HOXB4: variants seen among roughly 807,000 people sequenced by gnomAD.
HOXB4 encodes homeobox protein Hox-B4.
Under a neutral mutation model 20.0 loss-of-function variants are expected in HOXB4, and 13 were observed. The observed-to-expected ratio is 0.65, with a 90% CI of 0.42 to 1.03. The LOEUF (loss-of-function observed/expected upper bound fraction) is 1.03. HOXB4 is among the 50% of genes least tolerant of loss of function. HOXB4 has a pLI of 0.00. For synonymous variants in HOXB4, 173 were observed against 148.9 expected (o/e 1.16, Z -1.18); for missense variants, 343 against 357.1 (o/e 0.96, Z 0.32).
chr17:48,577,995 G>A lies in HOXB4; in HGVS notation c.325C>T (p.Arg109Cys). Reference sequence around the variant, plus strand: ...GGGCTGCTGCTGACCGCCTCGCAGCGCTGGCCGGGCTCCGGGAGGAGGGCC... The same window carrying A: ...GGGCTGCTGCTGACCGCCTCGCAGCACTGGCCGGGCTCCGGGAGGAGGGCC... The part of the protein sequence containing the change: ...AGALLPEPGQ[R>C]CEAVSSSPPP... The change falls in exon 1 of 2, where the codon CGC (arginine) becomes TGC (cysteine). Residue 109 changes from arginine (R) to cysteine (C), a missense_variant. Around this residue, in one of 3 missense-constraint regions of HOXB4, gnomAD observed 241 missense variants for 222.0 expected, o/e 1.09. Transcript: ENST00000332503. The A allele has an allele frequency of 7.7e-7, 1 of 1,299,990 alleles. No individual in the cohort carries two copies. Among genetic ancestry groups the A allele is most frequent in the Non-Finnish European group, 9.8e-7 (1 of 1,021,358 alleles). The allele number at this position is 1,299,990 out of a possible 1,614,324, so 80.5% of individuals were successfully genotyped here.
At chr17:48,577,824 T>C in intron 1 of HOXB4, 39 bp downstream of exon 1, 1 of 1,376,954 alleles carries the variant, frequency 7.3e-7, no homozygotes. Flanking sequence ...GGTGTAAAGC[T>C]CCAGGGGTGG....
chr17:48,576,609 G>T lies in HOXB4; in HGVS notation c.*113C>A. 1 of 908,994 alleles carries T rather than the reference G, an allele frequency of 1.1e-6. No homozygotes were observed. Among genetic ancestry groups the T allele is most frequent in the African/African-American group, 1.7e-5 (1 of 59,728 alleles). The allele number at this position is 908,994 out of a possible 1,614,324, so 56.3% of individuals were successfully genotyped here. A position where few individuals can be genotyped will look rare whatever the true frequency, so the allele number is the denominator to read the frequency against. On this transcript the variant is annotated 3_prime_UTR_variant, in exon 2 of 2. Coordinates refer to ENST00000332503, the MANE Select transcript of HOXB4 (RefSeq NM_024015.5). ...CGTATATAAAGTGTGGGGGAGGGCA[G>T]ATAGATTTTTCCGGGGCCCAGGCCC...
Position 48,578,054 on chromosome 17 carries a change from A to G in HOXB4, c.266T>C (p.Leu89Pro), listed in dbSNP as rs2144891453. 1 of 844,586 alleles carries G rather than the reference A, an allele frequency of 1.2e-6. No individual in the cohort carries two copies. Among genetic ancestry groups the G allele is most frequent in the Non-Finnish European group, 1.5e-6 (1 of 689,578 alleles). The allele number at this position is 844,586 out of a possible 1,614,324, so 52.3% of individuals were successfully genotyped here. A position where few individuals can be genotyped will look rare whatever the true frequency, so the allele number is the denominator to read the frequency against. Residue 89 changes from leucine (L) to proline (P), a missense_variant, in exon 1 of 2, where the codon CTG (leucine) becomes CCG (proline). Leu to Pro is a moderately conservative substitution (Grantham distance 98). Around this residue, in one of 3 missense-constraint regions of HOXB4, gnomAD observed 241 missense variants for 222.0 expected, o/e 1.09. Coordinates refer to ENST00000332503, the MANE Select transcript of HOXB4 (RefSeq NM_024015.5). The part of the protein sequence containing the change: ...PPPPPPPPPG[L>P]SPRAPAPPPA... ...TGGCGGCGCAGGAGCCCGAGGGGACAGACCGGGCGGTGGCGGGGGCGGCGG... is the reference window on the plus strand; with the variant it reads ...TGGCGGCGCAGGAGCCCGAGGGGACGGACCGGGCGGTGGCGGGGGCGGCGG...
In HOXB4 at chr17:48,576,743, A is replaced by G; in HGVS notation, c.735T>C (p.Asn245=). 7.2e-7 allele frequency: 1 copy of G among 1,397,098 alleles called. No individual in the cohort carries two copies. Among genetic ancestry groups the G allele is most frequent in the South Asian group, 1.1e-5 (1 of 88,238 alleles). The allele number at this position is 1,397,098 out of a possible 1,614,324, so 86.5% of individuals were successfully genotyped here. A position where few individuals can be genotyped will look rare whatever the true frequency, so the allele number is the denominator to read the frequency against. Residue 245 remains asparagine, a synonymous_variant, in exon 2 of 2, where the codon AAT becomes AAC. Transcript: ENST00000332503. ...GGCACTAGAGCGCGCGGGGGCCTCC[A>G]TTGGGCCGGCCAGGGGGCCCTCCGG... ...GSAGGPPGRP[N]GGPRAL
rs2069777707 is a variant in HOXB4 at position 48,576,752 on chromosome 17, G to A, written c.726C>T (p.Gly242=). The change falls in exon 2 of 2, where the codon GGC becomes GGT. Residue 242 remains glycine (G), a synonymous_variant. Coordinates refer to ENST00000332503, the MANE Select transcript of HOXB4 (RefSeq NM_024015.5). ...GAAGSAGGPP[G]RPNGGPRAL ...GCGCGCGGGGGCCTCCATTGGGCCG[G>A]CCAGGGGGCCCTCCGGCTGAGCCTG... 3 of 1,613,102 alleles carry A rather than the reference G, an allele frequency of 1.9e-6. No individual in the cohort carries two copies. The highest frequency in any genetic ancestry group is 2.5e-6 in the Non-Finnish European group (3 of 1,179,578).
chr17:48,578,026 G>C lies in HOXB4; in HGVS notation c.294C>G (p.Pro98=), dbSNP rs757849546. ...CGGGCTCCGGGAGGAGGGCCCCGGC[G>C]GGTGGCGGCGCAGGAGCCCGAGGGG... ...GLSPRAPAPP[P]AGALLPEPGQ... is the part of the protein sequence containing the mutation. The change falls in exon 1 of 2, where the codon CCC becomes CCG. Residue 98 remains proline (P), a synonymous_variant. Coordinates refer to ENST00000332503, the MANE Select transcript of HOXB4 (RefSeq NM_024015.5). 1.6e-6 allele frequency: 2 copies of C among 1,253,800 alleles called. No individual in the cohort carries two copies. The highest frequency in any genetic ancestry group is 2.0e-6 in the Non-Finnish European group (2 of 996,554). The allele number at this position is 1,253,800 out of a possible 1,614,324, so 77.7% of individuals were successfully genotyped here. A position where few individuals can be genotyped will look rare whatever the true frequency, so the allele number is the denominator to read the frequency against.
chr17:48,577,481 AAAAT>A (rs2069805060), intron 1 of HOXB4, among the ~76,000 whole-genome samples: 3 of 152,290 alleles, frequency 2.0e-5, no homozygotes, highest in Middle Eastern at 3.4e-3. Flanking sequence ...AAGAAAGGAA[AAAAT>A]AAATACTGGG....
rs10599517 is a variant in HOXB4 at position 48,575,718 on chromosome 17, CATA to C, written c.*1001_*1003del. 0.16 allele frequency: 24,433 copies of C among 152,360 alleles called. 2,959 individuals are homozygous for C. The highest frequency in any genetic ancestry group is 0.34 in the African/African-American group (13,857 of 41,316). The allele number at this position is 152,360 out of a possible 1,614,324, so 9.4% of individuals were successfully genotyped here. ...TCAATAATAATAATAAACGATGCAA[CATA>C]ATAAACTATGGGAGAGGGCTCTGCA... On this transcript the variant is annotated 3_prime_UTR_variant, in exon 2 of 2. Coordinates refer to ENST00000332503, the MANE Select transcript of HOXB4 (RefSeq NM_024015.5).
At position 48,576,147 on chromosome 17, in the gene HOXB4, T is replaced by C. The variant is rs2069751075; in HGVS notation, c.*575A>G. The C allele has an allele frequency of 6.5e-6, 1 of 152,910 alleles. No individual in the cohort carries two copies. The highest frequency in any genetic ancestry group is 1.5e-5 in the Non-Finnish European group (1 of 68,270). 9.5% of individuals were successfully genotyped at this position (152,910 alleles called of 1,614,324 possible). On this transcript the variant is annotated 3_prime_UTR_variant, in exon 2 of 2. Coordinates refer to ENST00000332503, the MANE Select transcript of HOXB4 (RefSeq NM_024015.5). The stretch of plus-strand genomic sequence containing the variant: ...ACCGTGACCAAAACACTGCACTATC[T>C]GGCAGTCAGAGGGTGCTTTCGCTGG...
In HOXB4 at chr17:48,577,892, G is replaced by T; in HGVS notation, c.428C>A (p.Pro143His). The change falls in exon 1 of 2, where the codon CCC becomes CAC. Residue 143 changes from proline (P) to histidine (H), a missense_variant. This residue lies in a region of HOXB4 where 241 missense variants were observed against 222.0 expected (regional missense o/e 1.09). Coordinates refer to ENST00000332503, the MANE Select transcript of HOXB4 (RefSeq NM_024015.5). ...HSACKEPVVY[P>H]WMRKVHVSTV... ...GCTCACGTGAACTTTGCGCATCCAG[G>T]GGTAGACGACGGGCTCTTTGCACGC... The T allele has an allele frequency of 7.2e-7, 1 of 1,386,730 alleles. No individual in the cohort carries two copies. 85.9% of individuals were successfully genotyped at this position (1,386,730 alleles called of 1,614,324 possible).
intron 1 of HOXB4, 54 bp downstream of exon 1, chr17:48,577,809 C>T: frequency 7.4e-7 from 1 of 1,355,424 alleles, no homozygotes; most frequent in South Asian, 2.1e-5. Flanking sequence ...CTCCGAAGTC[C>T]CTTTGGTGTA....
At position 48,576,281 on chromosome 17, in the gene HOXB4, G is replaced by GTAA. The variant is rs376184540; in HGVS notation, c.*438_*440dup. ...GCCTCATTTGTTAGCGGGTGTCGAG[G>GTAA]TAATGGTCGCCACCGAGGCCCGTCT... On this transcript the variant is annotated 3_prime_UTR_variant, in exon 2 of 2. Coordinates refer to ENST00000332503, the MANE Select transcript of HOXB4 (RefSeq NM_024015.5). The GTAA allele has an allele frequency of 4.0e-3, 625 of 154,876 alleles. 4 individuals are homozygous for GTAA. The highest frequency in any genetic ancestry group is 0.014 in the African/African-American group (591 of 41,664). The allele number at this position is 154,876 out of a possible 1,614,324, so 9.6% of individuals were successfully genotyped here. A position where few individuals can be genotyped will look rare whatever the true frequency, so the allele number is the denominator to read the frequency against.
Position 48,576,662 on chromosome 17 carries a change from AT to A in HOXB4, c.*59del. On this transcript the variant is annotated 3_prime_UTR_variant, in exon 2 of 2. Transcript: ENST00000332503. The stretch of plus-strand genomic sequence containing the variant: ...GGGCCCCCTCCTGTCCCCCCACCCC[AT>A]CCCCTGCACTCACTGCCCACCCCCA... The A allele has an allele frequency of 2.5e-4, 31 of 124,634 alleles. No individual in the cohort carries two copies. The highest frequency in any genetic ancestry group is 5.6e-4 in the East Asian group (4 of 7,134). 7.7% of individuals were successfully genotyped at this position (124,634 alleles called of 1,614,324 possible). A position where few individuals can be genotyped will look rare whatever the true frequency, so the allele number is the denominator to read the frequency against.
At chr17:48,577,714 A>G (rs2069811080) in intron 1 of HOXB4, 149 bp downstream of exon 1, 4 of 688,014 alleles carry the variant, frequency 5.8e-6, no homozygotes, top group Non-Finnish European at 8.2e-6. Context: ...TGGCTCTGAA[A>G]ACAGGCGACC....
Position 48,576,652 on chromosome 17 carries a change from C to G in HOXB4, c.*70G>C. On this transcript the variant is annotated 3_prime_UTR_variant, in exon 2 of 2. Transcript: ENST00000332503. The stretch of plus-strand genomic sequence containing the variant: ...CCAGGCCCCAGGGCCCCCTCCTGTC[C>G]CCCCACCCCATCCCCTGCACTCACT... The G allele has an allele frequency of 1.7e-6, 1 of 576,250 alleles. No individual in the cohort carries two copies. 35.7% of individuals were successfully genotyped at this position (576,250 alleles called of 1,614,324 possible).
chr17:48,577,066 C>A lies in HOXB4; in HGVS notation c.458-46G>T, dbSNP rs750126056. Reference sequence around the variant, plus strand: ...GGAGAAAGAGAAAGTTTTATTGCCCCCGAAAGAGAGAGTCCTTTCTTCCAG... The same window carrying A: ...GGAGAAAGAGAAAGTTTTATTGCCCACGAAAGAGAGAGTCCTTTCTTCCAG... On this transcript the variant is annotated intron_variant, in intron 1 of 1. Coordinates refer to ENST00000332503, the MANE Select transcript of HOXB4 (RefSeq NM_024015.5). 3.3e-6 allele frequency: 5 copies of A among 1,504,940 alleles called. No homozygotes were observed. In the Admixed American group the frequency reaches 1.1e-4, roughly 32 times the overall value. The allele number at this position is 1,504,940 out of a possible 1,614,324, so 93.2% of individuals were successfully genotyped here. A position where few individuals can be genotyped will look rare whatever the true frequency, so the allele number is the denominator to read the frequency against.
chr17:48,575,755 C>T lies in HOXB4; in HGVS notation c.*967G>A, dbSNP rs145468395. ...TGGGAGAGGGCTCTGCAACATCCTCCTCCCAGACTGGGAGGGGCACATTTT... is the reference window on the plus strand; with the variant it reads ...TGGGAGAGGGCTCTGCAACATCCTCTTCCCAGACTGGGAGGGGCACATTTT... On this transcript the variant is annotated 3_prime_UTR_variant, in exon 2 of 2. Coordinates refer to ENST00000332503, the MANE Select transcript of HOXB4 (RefSeq NM_024015.5). 2.3e-3 allele frequency: 349 copies of T among 152,700 alleles called. 4 individuals carry two copies. Among genetic ancestry groups the T allele is most frequent in the African/African-American group, 7.7e-3 (318 of 41,556 alleles). The allele number at this position is 152,700 out of a possible 1,614,324, so 9.5% of individuals were successfully genotyped here.
intron 1 of HOXB4, 144 bp downstream of exon 1, chr17:48,577,717 AGG>A (rs2069811194): frequency 4.4e-6 from 3 of 687,748 alleles, no homozygotes; most frequent in African/African-American, 1.9e-5. Context: ...CTCTGAAAAC[AGG>A]CGACCGTAAA....
At position 48,576,313 on chromosome 17, in the gene HOXB4, CG is replaced by C. The variant is rs2069759006; in HGVS notation, c.*408del. 1 of 157,536 alleles carries C rather than the reference CG, an allele frequency of 6.3e-6. No homozygotes were observed. The highest frequency in any genetic ancestry group is 2.1e-4 in the South Asian group (1 of 4,862). 9.8% of individuals were successfully genotyped at this position (157,536 alleles called of 1,614,324 possible). A position where few individuals can be genotyped will look rare whatever the true frequency, so the allele number is the denominator to read the frequency against. On this transcript the variant is annotated 3_prime_UTR_variant, in exon 2 of 2. Transcript: ENST00000332503. Reference sequence around the variant, plus strand: ...TCGCCACCGAGGCCCGTCTTCTCCTCGGCAGAGGAAACAAGACAGATGGGCC... The same window carrying C: ...TCGCCACCGAGGCCCGTCTTCTCCTCGCAGAGGAAACAAGACAGATGGGCC...
Sources: allele counts gnomAD v4.1 joint callset (sites outside exome capture counted in the v4.1 genomes callset), GRCh38; gene constraint gnomAD v4.1.1; regional missense constraint gnomAD v4.1.1; transcripts MANE v1.5; gene names NCBI Gene and HGNC (gene_info 2026-07-23, HGNC 2026-07-21).